The following TDRD7 variants were observed in gnomAD, a reference collection of about 807,000 sequenced individuals.
TDRD7 encodes the protein tudor domain containing 7, also known as tudor domain-containing protein 7.
TDRD7 carries 47 observed loss-of-function variants against 109.8 expected under a neutral mutation model. The ratio of observed to expected loss-of-function variants is 0.43; its 90% CI spans 0.34 to 0.55. The LOEUF is 0.55. Ranked by LOEUF, TDRD7 falls within the 20% of genes least tolerant of loss-of-function variation. The pLI, the probability that TDRD7 is intolerant of heterozygous loss-of-function variation, is 0.03. For missense variants in TDRD7, 1,164 were observed against 1,319.2 expected (o/e 0.88, Z 1.82); for synonymous variants, 424 against 457.3 (o/e 0.93, Z 0.93).
intron 6 of TDRD7, among the ~76,000 whole-genome samples, chr9:97,452,765 A>G (rs1828521655): frequency 6.6e-6 from 1 of 152,246 alleles, no homozygotes; most frequent in Non-Finnish European, 1.5e-5. Flanking sequence ...TTATTCTGGA[A>G]TAAAAGCCAG....
At chr9:97,428,967 A>G (rs532195501) in intron 2 of TDRD7, among the ~76,000 whole-genome samples, 1 of 152,332 alleles carries the variant, frequency 6.6e-6, no homozygotes, top group African/African-American at 2.4e-5. Context: ...TAAGTGCATA[A>G]ATATCACACC....
chr9:97,490,662 G>A (rs1829292795), intron 16 of TDRD7, among the ~76,000 whole-genome samples: 1 of 147,662 alleles, frequency 6.8e-6, no homozygotes, highest in African/African-American at 2.5e-5. Flanking sequence ...AAATGTTTCT[G>A]TTCCTTTCTC....
At position 97,485,045 on chromosome 9, in the gene TDRD7, A is replaced by T. The variant is rs536701288; in HGVS notation, c.2915+1694A>T. 4.4e-4 allele frequency among the ~76,000 whole-genome samples: 67 copies of T among 152,304 alleles called. No homozygotes were observed. The South Asian group carries it at 0.014, about 31-fold the overall frequency. ...TTTGTATATAAAAACAGATAATCTG[A>T]TTTTTTTAAAACTTCATGAACTGAA... On this transcript the variant is annotated intron_variant, in intron 15 of 16. Transcript: ENST00000355295.
intron 4 of TDRD7, among the ~76,000 whole-genome samples, chr9:97,437,442 A>G (rs1184406590): frequency 6.6e-6 from 1 of 152,222 alleles, no homozygotes; most frequent in African/African-American, 2.4e-5. Flanking sequence ...TCATCAAAGC[A>G]ACAAAGGAGA....
At chr9:97,478,771 TG>T (rs1216510765) in intron 13 of TDRD7, 198 bp downstream of exon 13, 1 of 686,522 alleles carries the variant, frequency 1.5e-6, no homozygotes, top group African/African-American at 1.8e-5. Flanking sequence ...TACATACTGT[TG>T]TTTGAGAAAT....
At chr9:97,483,517 C>T (rs1287337334) in intron 15 of TDRD7, among the ~76,000 whole-genome samples, 166 bp downstream of exon 15, 1 of 152,042 alleles carries the variant, frequency 6.6e-6, no homozygotes, top group Non-Finnish European at 1.5e-5. Flanking sequence ...AATGATGTCA[C>T]TTATCAAAAA....
chr9:97,486,239 C>G (rs1829209906), intron 15 of TDRD7, among the ~76,000 whole-genome samples: 1 of 152,204 alleles, frequency 6.6e-6, no homozygotes, highest in Admixed American at 6.5e-5. Context: ...TAGACACTTT[C>G]TTTCAGCTGT....
intron 16 of TDRD7, among the ~76,000 whole-genome samples, chr9:97,489,943 A>G (rs1829272761): frequency 6.6e-6 from 1 of 152,150 alleles, no homozygotes; most frequent in African/African-American, 2.4e-5. Context: ...ATAATAACAA[A>G]ATAATGTTAA....
intron 6 of TDRD7, 74 bp from the exon 7 acceptor site, chr9:97,460,104 G>C (rs1273170115): frequency 1.6e-6 from 2 of 1,258,590 alleles, no homozygotes; most frequent in Non-Finnish European, 2.3e-6. Context: ...CTCAAATTTA[G>C]AATGCATTAA....
At chr9:97,418,563 C>T (rs1827849904) in intron 1 of TDRD7, among the ~76,000 whole-genome samples, 2 of 152,020 alleles carry the variant, frequency 1.3e-5, no homozygotes. Flanking sequence ...GTGAAGTGCC[C>T]TTTTTGGGAG....
chr9:97,460,038 C>A, intron 6 of TDRD7, 140 bp from the exon 7 acceptor site: 2 of 738,612 alleles, frequency 2.7e-6, no homozygotes, highest in South Asian at 1.6e-5. Flanking sequence ...GCATTAAAGT[C>A]CTAGCAATTG....
At chr9:97,493,950 A>C (rs2131190229) in intron 16 of TDRD7, among the ~76,000 whole-genome samples, 1 of 151,960 alleles carries the variant, frequency 6.6e-6, no homozygotes, top group African/African-American at 2.4e-5. Flanking sequence ...CAAGGTGCCC[A>C]GATTTCATAT....
chr9:97,414,886 A>G (rs1291375134), intron 1 of TDRD7, among the ~76,000 whole-genome samples: 2 of 152,176 alleles, frequency 1.3e-5, no homozygotes, highest in Non-Finnish European at 2.9e-5. Context: ...TCTTAGGAAA[A>G]AATTTTCCCT....
chr9:97,423,711 C>T (rs530296751), intron 1 of TDRD7, among the ~76,000 whole-genome samples: 11 of 152,166 alleles, frequency 7.2e-5, no homozygotes, highest in African/African-American at 2.6e-4. Flanking sequence ...ACATTTGTGT[C>T]TTCATTTATT....
At chr9:97,476,584 C>CA (rs1183336655) in intron 12 of TDRD7, among the ~76,000 whole-genome samples, 102 of 142,592 alleles carry the variant, frequency 7.2e-4, no homozygotes, top group Non-Finnish European at 1.0e-3. Context: ...AAAAACTAAA[C>CA]AAAAAAAAAT....
Position 97,473,534 on chromosome 9 carries a change from TCTGATGGGACACTCTACTGC to T in TDRD7, c.1989_2008del (p.Asp664GlyfsTer4). The T allele has an allele frequency of 6.2e-7, 1 of 1,613,822 alleles. No homozygotes were observed. The highest frequency in any genetic ancestry group is 8.5e-7 in the Non-Finnish European group (1 of 1,179,770). On this transcript the variant is annotated frameshift_variant, in exon 11 of 17. Transcript: ENST00000355295. LOFTEE classifies it high-confidence loss of function. ...AAATGTCAAAGTAACTAATATTTGC[TCTGATGGGACACTCTACTGC>T]CAGGTGCCTTGTAAGGGTCTGAACA...
intron 1 of TDRD7, among the ~76,000 whole-genome samples, chr9:97,415,324 T>G (rs1389510233): frequency 6.6e-6 from 1 of 152,008 alleles, no homozygotes; most frequent in Non-Finnish European, 1.5e-5. Context: ...TTGACACCAG[T>G]AGTTAGAGGA....
chr9:97,468,859 T>TAG (rs559996999), intron 8 of TDRD7, among the ~76,000 whole-genome samples: 5 of 151,830 alleles, frequency 3.3e-5, no homozygotes, highest in South Asian at 2.1e-4. Context: ...CCCAGGACAT[T>TAG]AGAGAGAGAG....
intron 16 of TDRD7, among the ~76,000 whole-genome samples, chr9:97,492,940 T>G (rs1306165339): frequency 6.6e-6 from 1 of 152,202 alleles, no homozygotes; most frequent in East Asian, 1.9e-4. Flanking sequence ...TTCATGGAAG[T>G]CACTGGTTGT....
Sources: gnomAD v4.1 joint callset for allele counts (sites outside exome capture counted in the v4.1 genomes callset) on GRCh38, gnomAD v4.1.1 for gene constraint, MANE v1.5 for transcripts, NCBI Gene and HGNC (gene_info 2026-07-23, HGNC 2026-07-21) for gene names.